The following WDCP variants were observed in gnomAD, a reference collection of about 807,000 sequenced individuals.
WDCP encodes WD repeat and coiled coil containing.
A neutral mutation model predicts 41.6 loss-of-function variants in WDCP; 19 were observed. The ratio of observed to expected loss-of-function variants is 0.46; its 90% CI spans 0.32 to 0.67. The LOEUF (loss-of-function observed/expected upper bound fraction) is 0.67, where lower values mean the gene tolerates loss of function less well. WDCP is among the 30% of genes least tolerant of loss of function. WDCP has a pLI of 0.04. For synonymous variants in WDCP, 302 were observed against 320.8 expected (o/e 0.94, Z 0.63); for missense variants, 802 against 850.7 (o/e 0.94, Z 0.71).
rs368152129 is a variant in WDCP at position 24,038,880 on chromosome 2, G to A, written c.615C>T (p.His205=). The A allele has an allele frequency of 6.2e-6, 10 of 1,614,090 alleles. No homozygotes were observed. In the East Asian group the frequency reaches 6.7e-5, roughly 11 times the overall value. ...SSCLVFDVDS[H]VCSITATVDS... ...CCACAGTTGCTGTGATGGAGCAGAC[G>A]TGGCTGTCCACATCAAACACCAGGC... is the stretch of plus-strand genomic sequence containing the variant. The change falls in exon 2 of 4, where the codon CAC becomes CAT. Residue 205 remains histidine, a synonymous_variant. Coordinates refer to ENST00000295148, the MANE Select transcript of WDCP (RefSeq NM_025203.3).
intron 2 of WDCP, 82 bp from the exon 3 acceptor site, chr2:24,033,028 G>A (rs868030578): frequency 1.1e-6 from 1 of 943,488 alleles, no homozygotes. Context: ...TGTGTAAATA[G>A]TTTTTTAAAA....
chr2:24,047,017 C>T (rs1444825659), intron 1 of WDCP, among the ~76,000 whole-genome samples: 1 of 152,188 alleles, frequency 6.6e-6, no homozygotes, highest in Admixed American at 6.5e-5. Context: ...ATAAATAAAG[C>T]TCGGACCGAG....
chr2:24,036,506 T>C (rs186439512), intron 2 of WDCP, among the ~76,000 whole-genome samples: 66 of 152,270 alleles, frequency 4.3e-4, no homozygotes, highest in Non-Finnish European at 9.4e-4. Flanking sequence ...TAAGTAAAAA[T>C]CTTTGAGAGG....
At position 24,031,565 on chromosome 2, in the gene WDCP, G is replaced by A. The variant is rs541400630; in HGVS notation, c.1937-403C>T. On this transcript the variant is annotated intron_variant, in intron 3 of 3. Coordinates refer to ENST00000295148, the MANE Select transcript of WDCP (RefSeq NM_025203.3). ...CTGTAGGCCGGGCGCAGTGGCTCAC[G>A]CCTATAATCCCACCACTTTGGGAGG... Among the ~76,000 whole-genome samples, 12 of 152,284 alleles carry A rather than the reference G, an allele frequency of 7.9e-5. No homozygotes were observed. The South Asian group carries it at 8.3e-4, about 11-fold the overall frequency.
chr2:24,029,590 C>T lies in WDCP; in HGVS notation c.*1343G>A, dbSNP rs962260696. 4.6e-5 allele frequency: 7 copies of T among 152,206 alleles called. No homozygotes were observed. The East Asian group carries it at 1.3e-3, about 29-fold the overall frequency. 9.4% of individuals were successfully genotyped at this position (152,206 alleles called of 1,614,324 possible). On this transcript the variant is annotated 3_prime_UTR_variant, in exon 4 of 4. Coordinates refer to ENST00000295148, the MANE Select transcript of WDCP (RefSeq NM_025203.3). The stretch of plus-strand genomic sequence containing the variant: ...TACAGACATTGCCTGTGCTTCCTAC[C>T]CCAGCAGCTGTCTAGTGCACTTGAA...
At position 24,038,761 on chromosome 2, in the gene WDCP, T is replaced by A; in HGVS notation, c.734A>T (p.Asp245Val). The change falls in exon 2 of 4, where the codon GAC (aspartate) becomes GTC (valine). Residue 245 changes from aspartate (D) to valine (V), a missense_variant. Coordinates refer to ENST00000295148, the MANE Select transcript of WDCP (RefSeq NM_025203.3). ...ETFNIPPNSKDMTPYALPVIG... is the reference protein window; with the variant it reads ...ETFNIPPNSKVMTPYALPVIG... ...AACTGGTAAAGCATACGGAGTCATG[T>A]CTTTACTGTTAGGTGGGATATTAAA... The A allele has an allele frequency of 6.2e-7, 1 of 1,614,220 alleles. No individual in the cohort carries two copies. Among genetic ancestry groups the A allele is most frequent in the African/African-American group, 1.3e-5 (1 of 75,076 alleles).
intron 2 of WDCP, among the ~76,000 whole-genome samples, chr2:24,036,097 T>TAAATAAATA (rs1553317299): frequency 1.3e-5 from 2 of 148,548 alleles, no homozygotes; most frequent in African/African-American, 2.5e-5. Flanking sequence ...AATAAATAAA[T>TAAATAAATA]AAATAAATAA....
intron 1 of WDCP, among the ~76,000 whole-genome samples, chr2:24,045,631 G>GAGAGAGGAAGGAAGGA (rs1553318652): frequency 1.6e-3 from 166 of 106,088 alleles, no homozygotes; most frequent in Middle Eastern, 4.8e-3. Flanking sequence ...GAGAGAGAGA[G>GAGAGAGGAAGGAAGGA]AGGAAGGAAG....
chr2:24,041,775 C>G (rs1663441449), intron 1 of WDCP, among the ~76,000 whole-genome samples: 1 of 148,690 alleles, frequency 6.7e-6, no homozygotes, highest in Non-Finnish European at 1.5e-5. Context: ...ATTGCTTGAA[C>G]CTGGGAGGGG....
chr2:24,045,584 G>C (rs1663586572), intron 1 of WDCP, among the ~76,000 whole-genome samples: 1 of 120,764 alleles, frequency 8.3e-6, no homozygotes, highest in Non-Finnish European at 1.6e-5. Flanking sequence ...CTGGGTGACA[G>C]AGCAAGACTC....
intron 2 of WDCP, among the ~76,000 whole-genome samples, chr2:24,035,764 A>AT (rs869120969): frequency 4.0e-5 from 6 of 151,188 alleles, no homozygotes; most frequent in Admixed American, 1.3e-4. Context: ...TTAAAAAAAA[A>AT]TTTTTTTTAA....
At position 24,039,355 on chromosome 2, in the gene WDCP, T is replaced by C. The variant is rs201455909; in HGVS notation, c.140A>G (p.Lys47Arg). ...TCCAATGACTTTGGAGTCCCCAAAC[T>C]TGACCTCTCCACTGTGAAGCCGCAA... ...TDLRLHSGEV[K>R]FGDSKVIGQF... is the part of the protein sequence containing the mutation. Residue 47 changes from lysine (K) to arginine (R), a missense_variant, in exon 2 of 4, where the codon AAG becomes AGG. Transcript: ENST00000295148. 4.8e-5 allele frequency: 78 copies of C among 1,614,130 alleles called. No individual in the cohort carries two copies. The highest frequency in any genetic ancestry group is 6.1e-5 in the Non-Finnish European group (72 of 1,180,056).
chr2:24,036,263 T>C lies in WDCP; in HGVS notation c.1818+1414A>G, dbSNP rs370871223. ...GCACACACCTGTAATCCCAGCACTT[T>C]GGGAGGCTGAGGCAAGACTATCACT... On this transcript the variant is annotated intron_variant, in intron 2 of 3. Coordinates refer to ENST00000295148, the MANE Select transcript of WDCP (RefSeq NM_025203.3). Among the ~76,000 whole-genome samples, 9 of 151,900 alleles carry C rather than the reference T, an allele frequency of 5.9e-5. No homozygotes were observed. In the South Asian group the frequency reaches 1.7e-3, roughly 28 times the overall value.
chr2:24,033,360 G>T, intron 2 of WDCP: 1 of 237,988 alleles, frequency 4.2e-6, no homozygotes. Context: ...AGTAGCAGAG[G>T]ATTTGCATAA....
At chr2:24,041,556 C>T (rs1428957292) in intron 1 of WDCP, among the ~76,000 whole-genome samples, 1 of 151,992 alleles carries the variant, frequency 6.6e-6, no homozygotes, top group African/African-American at 2.4e-5. Flanking sequence ...GGCTCATAGG[C>T]ATGAGCCACC....
At chr2:24,032,433 C>T (rs900140926) in intron 3 of WDCP, among the ~76,000 whole-genome samples, 4 of 152,122 alleles carry the variant, frequency 2.6e-5, no homozygotes, top group East Asian at 1.9e-4. Context: ...ACCCGGGAGG[C>T]GGAGGTTGCA....
At chr2:24,031,918 T>C (rs1663109264) in intron 3 of WDCP, among the ~76,000 whole-genome samples, 1 of 152,234 alleles carries the variant, frequency 6.6e-6, no homozygotes, top group Admixed American at 6.5e-5. Flanking sequence ...TTCTGTTACT[T>C]CCTTGCAGTT....
chr2:24,042,535 CAA>C (rs35044474), intron 1 of WDCP, among the ~76,000 whole-genome samples: 9 of 61,578 alleles, frequency 1.5e-4, no homozygotes, highest in African/African-American at 4.1e-4. Context: ...TACTCCGTCT[CAA>C]AAAAAAAAAA....
rs755076194 is a variant in WDCP, at chr2:24,030,063, A to C, written c.*870T>G. 2 of 152,550 alleles carry C rather than the reference A, an allele frequency of 1.3e-5. No individual in the cohort carries two copies. The highest frequency in any genetic ancestry group is 2.9e-5 in the Non-Finnish European group (2 of 68,044). 9.4% of individuals were successfully genotyped at this position (152,550 alleles called of 1,614,324 possible). On this transcript the variant is annotated 3_prime_UTR_variant, in exon 4 of 4. Coordinates refer to ENST00000295148, the MANE Select transcript of WDCP (RefSeq NM_025203.3). ...GGAGAGAAAATAAAAATATCAAATTAAAGTGACAAGTTAACTAAGGGAGCT... is the reference window on the plus strand; with the variant it reads ...GGAGAGAAAATAAAAATATCAAATTCAAGTGACAAGTTAACTAAGGGAGCT...
Sources: allele counts gnomAD v4.1 joint callset (sites outside exome capture counted in the v4.1 genomes callset), GRCh38; gene constraint gnomAD v4.1.1; transcripts MANE v1.5; gene names NCBI Gene and HGNC (gene_info 2026-07-23, HGNC 2026-07-21).